Variants in RNGTT observed in about 807,000 individuals in gnomAD.
RNGTT encodes the protein RNA guanylyltransferase and 5'-phosphatase, also known as mRNA-capping enzyme.
RNGTT carries 33 observed loss-of-function variants against 79.3 expected under a neutral mutation model. That is an observed-to-expected ratio of 0.42 (90% CI 0.32 to 0.56). The LOEUF (loss-of-function observed/expected upper bound fraction) is 0.56. Among genes scored for constraint, RNGTT ranks in the 20% least tolerant of loss-of-function variants. RNGTT has a pLI of 0.17. For missense variants in RNGTT, 497 were observed against 739.1 expected, an observed-to-expected ratio of 0.67 and a Z score of 3.80; for synonymous variants, 222 against 235.9, an observed-to-expected ratio of 0.94 and a Z score of 0.54.
intron 13 of RNGTT, among the ~76,000 whole-genome samples, chr6:88,754,230 C>G (rs1245044143): frequency 6.6e-6 from 1 of 152,052 alleles, no homozygotes; most frequent in Non-Finnish European, 1.5e-5. Flanking sequence ...GGCTTCCTAG[C>G]AGGGGAAATG....
intron 13 of RNGTT, among the ~76,000 whole-genome samples, chr6:88,754,565 G>T (rs1777944412): frequency 6.6e-6 from 1 of 152,198 alleles, no homozygotes; most frequent in Non-Finnish European, 1.5e-5. Flanking sequence ...AAAGTAACTT[G>T]TTGGGAACAG....
At chr6:88,685,622 T>C (rs1775248585) in intron 13 of RNGTT, among the ~76,000 whole-genome samples, 1 of 151,690 alleles carries the variant, frequency 6.6e-6, no homozygotes, top group South Asian at 2.1e-4. Context: ...ACCATCAAAT[T>C]GGGTTTATTC....
intron 14 of RNGTT, among the ~76,000 whole-genome samples, chr6:88,649,696 CA>C (rs1279888726): frequency 2.9e-4 from 38 of 130,736 alleles, no homozygotes; most frequent in Non-Finnish European, 2.8e-4. Flanking sequence ...GACTAAGTCT[CA>C]AAAAAAAAAA....
chr6:88,739,664 G>A (rs73754816), intron 13 of RNGTT, among the ~76,000 whole-genome samples: 3,315 of 126,268 alleles, frequency 0.026, 118 homozygotes, highest in African/African-American at 0.087. Context: ...AATTCTGTCA[G>A]TTCAAATTTC....
intron 1 of RNGTT, among the ~76,000 whole-genome samples, chr6:88,956,581 A>G (rs1785438876): frequency 6.6e-6 from 1 of 152,166 alleles, no homozygotes; most frequent in Non-Finnish European, 1.5e-5. Context: ...AGGAAACAAT[A>G]TAACAATAAA....
chr6:88,895,229 C>CTGTGTGTGTGTG (rs5878081), intron 6 of RNGTT, among the ~76,000 whole-genome samples: 74 of 145,200 alleles, frequency 5.1e-4, no homozygotes, highest in African/African-American at 1.3e-3. Flanking sequence ...AGAGAGAGCT[C>CTGTGTGTGTGTG]TGTGTGTGTG....
chr6:88,664,994 G>T (rs554054976), intron 14 of RNGTT, among the ~76,000 whole-genome samples: 307 of 152,326 alleles, frequency 2.0e-3, no homozygotes, highest in South Asian at 3.7e-3. Flanking sequence ...GGGGGGACAT[G>T]AAGTGATTCA....
At chr6:88,722,336 G>A (rs1776735684) in intron 13 of RNGTT, among the ~76,000 whole-genome samples, 2 of 151,994 alleles carry the variant, frequency 1.3e-5, no homozygotes, top group Admixed American at 1.3e-4. Flanking sequence ...GTAACAGAGT[G>A]TGCAAGTCAT....
chr6:88,694,638 C>T (rs1775595732), intron 13 of RNGTT, among the ~76,000 whole-genome samples: 1 of 152,010 alleles, frequency 6.6e-6, no homozygotes, highest in South Asian at 2.1e-4. Flanking sequence ...ATAGCCAAGG[C>T]AATTTTGAGC....
intron 13 of RNGTT, among the ~76,000 whole-genome samples, chr6:88,682,888 C>A (rs1048187386): frequency 9.2e-5 from 14 of 151,972 alleles, no homozygotes; most frequent in African/African-American, 3.1e-4. Flanking sequence ...TATAAATAAC[C>A]CATAGATCAG....
chr6:88,793,645 A>G (rs1457975727), intron 12 of RNGTT, among the ~76,000 whole-genome samples: 1 of 152,158 alleles, frequency 6.6e-6, no homozygotes, highest in African/African-American at 2.4e-5. Flanking sequence ...TGGGCAAATC[A>G]CTTGAGGCCA....
At chr6:88,884,404 A>G (rs557914541) in intron 8 of RNGTT, among the ~76,000 whole-genome samples, 6 of 152,210 alleles carry the variant, frequency 3.9e-5, no homozygotes, top group Admixed American at 6.5e-5. Context: ...ATCTAATTCT[A>G]AAGTGTATGG....
chr6:88,848,274 A>C (rs1562283845), intron 10 of RNGTT, among the ~76,000 whole-genome samples: 1 of 152,170 alleles, frequency 6.6e-6, no homozygotes, highest in East Asian at 1.9e-4. Flanking sequence ...ATATAGCTGA[A>C]GCTGCTGATT....
chr6:88,645,389 G>GA (rs1773504330), intron 14 of RNGTT, among the ~76,000 whole-genome samples: 1 of 152,038 alleles, frequency 6.6e-6, no homozygotes, highest in South Asian at 2.1e-4. Flanking sequence ...CCATGCTCAT[G>GA]GGTAGGAAGA....
At chr6:88,806,764 A>C (rs150414110) in intron 11 of RNGTT, among the ~76,000 whole-genome samples, 1 of 152,340 alleles carries the variant, frequency 6.6e-6, no homozygotes, top group African/African-American at 2.4e-5. Context: ...AGGAATATAA[A>C]TCATTCTATT....
chr6:88,958,893 A>C (rs1014195213), intron 1 of RNGTT, among the ~76,000 whole-genome samples: 1 of 152,230 alleles, frequency 6.6e-6, no homozygotes, highest in African/African-American at 2.4e-5. Flanking sequence ...TATCTGAAAA[A>C]GCCACTTGCA....
At chr6:88,791,715 A>C (rs1274593815) in intron 12 of RNGTT, among the ~76,000 whole-genome samples, 1 of 151,532 alleles carries the variant, frequency 6.6e-6, no homozygotes, top group Non-Finnish European at 1.5e-5. Context: ...AATTTTTTGT[A>C]TTTTTAGTAG....
intron 8 of RNGTT, among the ~76,000 whole-genome samples, chr6:88,872,997 G>A (rs1742524651): frequency 6.6e-6 from 1 of 151,824 alleles, no homozygotes; most frequent in African/African-American, 2.4e-5. Context: ...CAACACACAG[G>A]TTATTCCTCA....
intron 6 of RNGTT, among the ~76,000 whole-genome samples, chr6:88,899,724 T>A (rs1033808887): frequency 6.6e-6 from 1 of 152,156 alleles, no homozygotes; most frequent in Non-Finnish European, 1.5e-5. Context: ...GAGCTAGACA[T>A]CTTCTACAGC....
Sources: gnomAD v4.1 joint callset for allele counts (sites outside exome capture counted in the v4.1 genomes callset) on GRCh38, gnomAD v4.1.1 for gene constraint, MANE v1.5 for transcripts, NCBI Gene and HGNC (gene_info 2026-07-23, HGNC 2026-07-21) for gene names.